PKP4: variants seen among roughly 807,000 people sequenced by gnomAD.
PKP4 encodes plakophilin-4.
In PKP4, 90 loss-of-function variants were observed where a neutral mutation model predicts 145.1. The observed-to-expected ratio is 0.62, with a 90% confidence interval of 0.52 to 0.74. The LOEUF (loss-of-function observed/expected upper bound fraction) is 0.74, where lower values mean the gene tolerates loss of function less well. Ranked by LOEUF, PKP4 falls within the 30% of genes least tolerant of loss-of-function variation. The probability of loss-of-function intolerance (pLI) is 0.00; values close to 1 mark genes in which losing one functional copy is unlikely to be tolerated. For synonymous variants in PKP4, 563 were observed against 577.2 expected (o/e 0.98, Z 0.35); for missense variants, 1,340 against 1,482.7 (o/e 0.90, Z 1.58).
At chr2:158,542,365 G>T (rs1264077458) in intron 2 of PKP4, among the ~76,000 whole-genome samples, 1 of 152,168 alleles carries the variant, frequency 6.6e-6, no homozygotes, top group Non-Finnish European at 1.5e-5. Flanking sequence ...AGTGATTGCT[G>T]CTGTTGACAT....
intron 2 of PKP4, among the ~76,000 whole-genome samples, chr2:158,551,147 T>C (rs893276517): frequency 6.6e-6 from 1 of 152,246 alleles, no homozygotes; most frequent in Non-Finnish European, 1.5e-5. Flanking sequence ...TGGAAAAGAA[T>C]AGTAAGAATC....
intron 1 of PKP4, among the ~76,000 whole-genome samples, chr2:158,513,731 G>A (rs16842973): frequency 0.061 from 9,238 of 152,050 alleles, 398 homozygotes; most frequent in South Asian, 0.11. Flanking sequence ...AACTTTCACC[G>A]TCATCTTAGG....
In PKP4 at chr2:158,590,312, A is replaced by AGAGT. The variant is rs745866962; in HGVS notation, c.246-12757_246-12756insAGTG. On this transcript the variant is annotated intron_variant, in intron 3 of 21. Coordinates refer to ENST00000389759, the MANE Select transcript of PKP4 (RefSeq NM_003628.6). ...TTATAATCCAAGGAGGAATGTCTTG[A>AGAGT]GTGTGTGTGTGTGTGTGTGTGTGTG... 4.8e-5 allele frequency among the ~76,000 whole-genome samples: 6 copies of AGAGT among 124,238 alleles called. No individual in the cohort carries two copies. The East Asian group carries it at 7.4e-4, about 15-fold the overall frequency. The allele number at this position is 124,238 out of a possible 152,430, so 81.5% of individuals were successfully genotyped here.
chr2:158,577,595 T>C (rs542884072), intron 3 of PKP4, among the ~76,000 whole-genome samples: 2 of 152,230 alleles, frequency 1.3e-5, no homozygotes, highest in African/African-American at 2.4e-5. Context: ...TTGGCAAGCT[T>C]CTGTAGCAAA....
Position 158,663,336 on chromosome 2 carries a change from A to G in PKP4, c.2468A>G (p.His823Arg), listed in dbSNP as rs1276560230. 1 of 1,614,058 alleles carries G rather than the reference A, an allele frequency of 6.2e-7. No individual in the cohort carries two copies. ...CCCAAAGGGGTTGAGATGCTGTGGC[A>G]CCCATCGGTGGTAAAACCATATCTG... Reference protein sequence around the residue: ...KSPKGVEMLWHPSVVKPYLTL... With the variant: ...KSPKGVEMLWRPSVVKPYLTL... Residue 823 changes from histidine to arginine, a missense_variant, in exon 15 of 22, where the codon CAC becomes CGC. Coordinates refer to ENST00000389759, the MANE Select transcript of PKP4 (RefSeq NM_003628.6).
intron 3 of PKP4, among the ~76,000 whole-genome samples, chr2:158,598,401 C>T (rs2049948355): frequency 6.6e-6 from 1 of 152,188 alleles, no homozygotes; most frequent in Non-Finnish European, 1.5e-5. Flanking sequence ...TCCACTAAAG[C>T]AGGCTTGCTC....
At chr2:158,503,760 T>C (rs1696913906) in intron 1 of PKP4, among the ~76,000 whole-genome samples, 1 of 152,200 alleles carries the variant, frequency 6.6e-6, no homozygotes, top group African/African-American at 2.4e-5. Flanking sequence ...GAAAGCACTT[T>C]GTTCAGTTGT....
intron 11 of PKP4, among the ~76,000 whole-genome samples, chr2:158,649,706 A>T (rs751541982): frequency 6.6e-6 from 1 of 152,234 alleles, no homozygotes; most frequent in Non-Finnish European, 1.5e-5. Context: ...AAGGTCACTT[A>T]TAAGACTTGG....
At chr2:158,475,324 A>G (rs1240235948) in intron 1 of PKP4, among the ~76,000 whole-genome samples, 3 of 152,208 alleles carry the variant, frequency 2.0e-5, no homozygotes, top group Non-Finnish European at 4.4e-5. Flanking sequence ...TTTAAAAGTC[A>G]TGAAACTGAT....
At chr2:158,547,213 A>G (rs957166345) in intron 2 of PKP4, among the ~76,000 whole-genome samples, 1 of 152,190 alleles carries the variant, frequency 6.6e-6, no homozygotes, top group African/African-American at 2.4e-5. Flanking sequence ...GTCCACACAA[A>G]AACTTGTCTA....
intron 1 of PKP4, among the ~76,000 whole-genome samples, chr2:158,491,364 A>G (rs997857335): frequency 6.6e-6 from 1 of 152,152 alleles, no homozygotes; most frequent in Non-Finnish European, 1.5e-5. Flanking sequence ...GCATCCATCT[A>G]TATGTCTCCA....
At chr2:158,459,483 GA>G (rs1224380106) in intron 1 of PKP4, among the ~76,000 whole-genome samples, 2 of 151,924 alleles carry the variant, frequency 1.3e-5, no homozygotes, top group African/African-American at 4.8e-5. Context: ...AAAAAAAATA[GA>G]AAAAAATATT....
At chr2:158,631,162 G>A (rs1467550683) in intron 7 of PKP4, among the ~76,000 whole-genome samples, 4 of 151,892 alleles carry the variant, frequency 2.6e-5, no homozygotes, top group Non-Finnish European at 4.4e-5. Context: ...GGTTGATCTC[G>A]ATCTCCTGAC....
chr2:158,535,904 A>G (rs552873559), intron 2 of PKP4, among the ~76,000 whole-genome samples: 80 of 152,300 alleles, frequency 5.3e-4, no homozygotes, highest in South Asian at 1.2e-3. Context: ...TCTTTTAACC[A>G]TGTGACCTTG....
intron 4 of PKP4, among the ~76,000 whole-genome samples, chr2:158,617,749 G>C (rs1359220112): frequency 1.3e-5 from 2 of 152,142 alleles, no homozygotes; most frequent in Non-Finnish European, 2.9e-5. Flanking sequence ...ATAATTTGTG[G>C]ATCACAAGTT....
chr2:158,483,017 G>A (rs925277125), intron 1 of PKP4, among the ~76,000 whole-genome samples: 1 of 152,018 alleles, frequency 6.6e-6, no homozygotes, highest in East Asian at 1.9e-4. Flanking sequence ...AATATTTATG[G>A]CTAGGTCCTG....
chr2:158,676,694 TCTCTTTCTACCC>T (rs1401226952), intron 19 of PKP4, 33 bp from the exon 20 acceptor site: 2 of 1,611,710 alleles, frequency 1.2e-6, no homozygotes, highest in South Asian at 1.1e-5. Context: ...GATGCTGATT[TCTCTTTCTACCC>T]CTCTTTCTCT....
At chr2:158,616,082 C>G (rs2051578850) in intron 4 of PKP4, among the ~76,000 whole-genome samples, 1 of 152,068 alleles carries the variant, frequency 6.6e-6, no homozygotes, top group Non-Finnish European at 1.5e-5. Flanking sequence ...CAACAAACTC[C>G]AAGTATGTGT....
intron 2 of PKP4, among the ~76,000 whole-genome samples, chr2:158,551,312 A>G (rs1303794029): frequency 6.6e-6 from 1 of 152,210 alleles, no homozygotes; most frequent in African/African-American, 2.4e-5. Context: ...TAGCATTACC[A>G]TTGCTTCTCT....
Sources: gnomAD v4.1 joint callset for allele counts (sites outside exome capture counted in the v4.1 genomes callset) on GRCh38, gnomAD v4.1.1 for gene constraint, MANE v1.5 for transcripts, NCBI Gene and HGNC (gene_info 2026-07-23, HGNC 2026-07-21) for gene names.